The following MIA2 variants were observed in gnomAD, a reference collection of about 807,000 sequenced individuals.
The protein encoded by MIA2 is melanoma inhibitory activity protein 2.
MIA2 carries 127 observed loss-of-function variants against 167.8 expected under a neutral mutation model. The ratio of observed to expected loss-of-function variants is 0.76; its 90% CI spans 0.66 to 0.88. The LOEUF is 0.88. Ranked by LOEUF, MIA2 falls within the 40% of genes least tolerant of loss-of-function variation. The pLI is 0.00. For synonymous variants in MIA2, 552 were observed against 541.9 expected, an observed-to-expected ratio of 1.02 and a Z score of -0.26; for missense variants, 1,690 against 1,624.7, an observed-to-expected ratio of 1.04 and a Z score of -0.69.
At chr14:39,327,405 T>C (rs1002976001) in intron 25 of MIA2, among the ~76,000 whole-genome samples, 7 of 152,200 alleles carry the variant, frequency 4.6e-5, no homozygotes, top group African/African-American at 1.7e-4. Context: ...TATACATTTA[T>C]ACACATAGCT....
chr14:39,295,815 C>T (rs546085692), intron 13 of MIA2, among the ~76,000 whole-genome samples: 2 of 152,284 alleles, frequency 1.3e-5, no homozygotes, highest in African/African-American at 4.8e-5. Flanking sequence ...GCCTCGGCCT[C>T]CTAAAGTGTT....
At chr14:39,310,049 A>G (rs1186165603) in intron 18 of MIA2, among the ~76,000 whole-genome samples, 1 of 152,032 alleles carries the variant, frequency 6.6e-6, no homozygotes, top group African/African-American at 2.4e-5. Flanking sequence ...TATTTATAGA[A>G]TCTGTATTTG....
At chr14:39,320,661 A>C (rs1595570264) in intron 23 of MIA2, among the ~76,000 whole-genome samples, 1 of 152,184 alleles carries the variant, frequency 6.6e-6, no homozygotes, top group Non-Finnish European at 1.5e-5. Flanking sequence ...GCTTAATATA[A>C]ATGATTATTT....
intron 25 of MIA2, 59 bp from the exon 26 acceptor site, chr14:39,345,845 T>G (rs2073118780): frequency 1.4e-6 from 2 of 1,472,694 alleles, no homozygotes; most frequent in Non-Finnish European, 9.3e-7. Context: ...TACGTTAAAC[T>G]TAAGTAAACT....
intron 9 of MIA2, among the ~76,000 whole-genome samples, chr14:39,288,444 T>C (rs1326030475): frequency 4.7e-3 from 46 of 9,784 alleles, no homozygotes; most frequent in African/African-American, 7.5e-3. Context: ...TATATATATA[T>C]ATATATATAT....
At chr14:39,271,435 T>C (rs1232396790) in intron 6 of MIA2, among the ~76,000 whole-genome samples, 1 of 152,182 alleles carries the variant, frequency 6.6e-6, no homozygotes. Context: ...AGCGTTGTTT[T>C]TGTTTATCCA....
At chr14:39,381,727 C>T (rs1471324585) in intron 23 of MIA2, among the ~76,000 whole-genome samples, 2 of 150,440 alleles carry the variant, frequency 1.3e-5, no homozygotes, top group Non-Finnish European at 1.5e-5. Context: ...ATTCAGAGGC[C>T]TTACTCCTCC....
At position 39,247,041 on chromosome 14, in the gene MIA2, A is replaced by G. The variant is rs768016346; in HGVS notation, c.467A>G (p.Glu156Gly). 5.6e-6 allele frequency: 9 copies of G among 1,603,176 alleles called. No homozygotes were observed. Among genetic ancestry groups the G allele is most frequent in the South Asian group, 4.5e-5 (4 of 88,352 alleles). Residue 156 changes from glutamate (E) to glycine (G), a missense_variant, in exon 4 of 29, where the codon GAA becomes GGA. Transcript: ENST00000640607. The part of the protein sequence containing the change: ...EDKDEKSSIY[E>G]SDFQIEPGFY... ...AAAGATGAAAAATCTAGTATATATG[A>G]AAGTGATTTTCAGATAGAACCTGGA... is the stretch of plus-strand genomic sequence containing the variant.
intron 13 of MIA2, among the ~76,000 whole-genome samples, chr14:39,298,538 T>TG (rs1555375909): frequency 4.6e-4 from 1 of 2,186 alleles, no homozygotes; most frequent in Non-Finnish European, 1.1e-3. Flanking sequence ...GAGTTTTTTT[T>TG]TTTTTTTTTT....
intron 15 of MIA2, among the ~76,000 whole-genome samples, chr14:39,302,625 C>G (rs1345286492): frequency 1.3e-5 from 2 of 152,138 alleles, no homozygotes; most frequent in Non-Finnish European, 2.9e-5. Context: ...ATAAATACTT[C>G]AGGATACTTC....
chr14:39,301,784 G>A (rs2062545822), intron 14 of MIA2, among the ~76,000 whole-genome samples: 1 of 152,008 alleles, frequency 6.6e-6, no homozygotes, highest in Non-Finnish European at 1.5e-5. Context: ...GATGTGTTTG[G>A]TGTCACACAG....
At chr14:39,274,628 G>C (rs1427360406) in intron 6 of MIA2, among the ~76,000 whole-genome samples, 1 of 149,700 alleles carries the variant, frequency 6.7e-6, no homozygotes, top group African/African-American at 2.4e-5. Context: ...GTTTCACCAC[G>C]TTGGCCAGAC....
At chr14:39,275,212 C>T (rs540077123) in intron 6 of MIA2, among the ~76,000 whole-genome samples, 18 of 143,232 alleles carry the variant, frequency 1.3e-4, no homozygotes, top group Admixed American at 3.6e-4. Flanking sequence ...TGTAGTGGTG[C>T]GATCTGCAGC....
intron 23 of MIA2, among the ~76,000 whole-genome samples, chr14:39,385,016 C>G (rs1479809887): frequency 6.6e-6 from 1 of 152,140 alleles, no homozygotes; most frequent in Non-Finnish European, 1.5e-5. Flanking sequence ...AAGTAACATG[C>G]TTTAATATTT....
chr14:39,351,833 T>A (rs2074394203), downstream of MIA2, among the ~76,000 whole-genome samples: 1 of 152,158 alleles, frequency 6.6e-6, no homozygotes, highest in Non-Finnish European at 1.5e-5. Flanking sequence ...GGTCTCAATC[T>A]CCTGACCTCA....
chr14:39,243,418 G>A (rs1024052664), intron 3 of MIA2, among the ~76,000 whole-genome samples: 3 of 152,148 alleles, frequency 2.0e-5, no homozygotes, highest in Non-Finnish European at 4.4e-5. Context: ...CGACACCTCG[G>A]TAAAATAGGT....
chr14:39,334,513 T>C (rs2069823763), intron 25 of MIA2, among the ~76,000 whole-genome samples: 1 of 151,638 alleles, frequency 6.6e-6, no homozygotes, highest in South Asian at 2.1e-4. Flanking sequence ...GATTTCAGGG[T>C]TCTTTTCTTT....
intron 6 of MIA2, among the ~76,000 whole-genome samples, chr14:39,259,654 C>G (rs2054988408): frequency 6.6e-6 from 1 of 150,692 alleles, no homozygotes; most frequent in Non-Finnish European, 1.5e-5. Flanking sequence ...CCTCAGGCAC[C>G]TGAGTAGCTG....
rs1335276690 is a variant in MIA2, at chr14:39,348,818, G to T, written c.3913G>T (p.Ala1305Ser). ...CCCTGGCTTTGTTCCTCCACCTCTTGCTCCAATCAGAGGTCCATTGTTTCC... is the reference window on the plus strand; with the variant it reads ...CCCTGGCTTTGTTCCTCCACCTCTTTCTCCAATCAGAGGTCCATTGTTTCC... ...TGPGFVPPPL[A>S]PIRGPLFPVD... Residue 1305 changes from alanine to serine, a missense_variant, in exon 28 of 29, where the codon GCT becomes TCT. Physicochemically the swap from Ala to Ser is moderately conservative, Grantham distance 99 (BLOSUM62 1). Transcript: ENST00000640607. 2 of 1,613,868 alleles carry T rather than the reference G, an allele frequency of 1.2e-6. No homozygotes were observed. Among genetic ancestry groups the T allele is most frequent in the African/African-American group, 2.7e-5 (2 of 74,988 alleles).
Sources: gnomAD v4.1 joint callset for allele counts (sites outside exome capture counted in the v4.1 genomes callset) on GRCh38, gnomAD v4.1.1 for gene constraint, MANE v1.5 for transcripts, NCBI Gene and HGNC (gene_info 2026-07-23, HGNC 2026-07-21) for gene names.